CRB1: variants seen among roughly 807,000 people sequenced by gnomAD.
CRB1 encodes crumbs cell polarity complex component 1.
In CRB1, 83 loss-of-function variants were observed where a neutral mutation model predicts 120.0. The ratio of observed to expected loss-of-function variants is 0.69; its 90% CI spans 0.58 to 0.83. CRB1 has a LOEUF of 0.83. Among genes scored for constraint, CRB1 ranks in the 40% least tolerant of loss-of-function variants. The pLI is 0.00. For synonymous variants in CRB1, 625 were observed against 612.5 expected (o/e 1.02, Z -0.30); for missense variants, 1,699 against 1,687.6 (o/e 1.01, Z -0.12).
intron 5 of CRB1, among the ~76,000 whole-genome samples, chr1:197,359,962 T>TG (rs1660688576): frequency 6.6e-6 from 1 of 152,208 alleles, no homozygotes; most frequent in Non-Finnish European, 1.5e-5. Flanking sequence ...TTTTTTTAAC[T>TG]GTTGAGTAAT....
At chr1:197,388,639 T>C (rs1662341019) in intron 5 of CRB1, among the ~76,000 whole-genome samples, 1 of 152,060 alleles carries the variant, frequency 6.6e-6, no homozygotes, top group South Asian at 2.1e-4. Flanking sequence ...GAAGATAAGA[T>C]GGCTATGGAA....
intron 2 of CRB1, among the ~76,000 whole-genome samples, chr1:197,343,881 C>T (rs1659612907): frequency 6.6e-6 from 1 of 152,222 alleles, no homozygotes; most frequent in African/African-American, 2.4e-5. Context: ...CCCGACCCAA[C>T]TGTCTGGCTT....
At chr1:197,229,704 G>A in the CRB1 span, among the ~76,000 whole-genome samples, 133 of 152,028 alleles carry the variant, frequency 8.7e-4, no homozygotes, top group Non-Finnish European at 1.8e-3. Context: ...GAGAACATGG[G>A]GTATTTGGTT....
At chr1:197,213,194 AAT>A in the CRB1 span, among the ~76,000 whole-genome samples, 1 of 152,212 alleles carries the variant, frequency 6.6e-6, no homozygotes, top group Non-Finnish European at 1.5e-5. Context: ...CAGTATAAGT[AAT>A]AGTGTATTAA....
At chr1:197,301,511 C>T (rs1446823427) in intron 1 of CRB1, among the ~76,000 whole-genome samples, 4 of 152,040 alleles carry the variant, frequency 2.6e-5, no homozygotes, top group South Asian at 2.1e-4. Context: ...GTGAACACTC[C>T]GTAGATAGTG....
intron 8 of CRB1, among the ~76,000 whole-genome samples, chr1:197,432,179 T>G (rs1368251440): frequency 1.3e-5 from 2 of 152,144 alleles, no homozygotes; most frequent in East Asian, 3.8e-4. Flanking sequence ...TCAGAAGACA[T>G]GATTTCAGTG....
intron 1 of CRB1, among the ~76,000 whole-genome samples, chr1:197,292,700 A>G (rs994453903): frequency 1.2e-4 from 18 of 152,272 alleles, no homozygotes; most frequent in African/African-American, 4.3e-4. Flanking sequence ...CACATCAAAA[A>G]GCTTATCCAC....
At chr1:197,456,821 A>G (rs1044003209) in intron 11 of CRB1, among the ~76,000 whole-genome samples, 6 of 152,160 alleles carry the variant, frequency 3.9e-5, no homozygotes, top group Non-Finnish European at 8.8e-5. Flanking sequence ...CTGTAAGTCC[A>G]TAATCACATG....
intron 2 of CRB1, among the ~76,000 whole-genome samples, chr1:197,335,919 GCCC>G (rs67835548): frequency 0.33 from 49,504 of 151,732 alleles, 9,965 homozygotes; most frequent in East Asian, 0.77. Context: ...TTCTCTCTCT[GCCC>G]TCTATTGCCC....
the CRB1 span, among the ~76,000 whole-genome samples, chr1:197,262,802 C>T: frequency 1.3e-5 from 2 of 152,126 alleles, no homozygotes; most frequent in African/African-American, 2.4e-5. Context: ...CTTCCTGCAT[C>T]ATTTTGCTTA....
chr1:197,223,571 T>C, the CRB1 span, among the ~76,000 whole-genome samples: 1 of 152,202 alleles, frequency 6.6e-6, no homozygotes, highest in Non-Finnish European at 1.5e-5. Context: ...GTGTTATTTA[T>C]TATGGAAAAA....
the CRB1 span, among the ~76,000 whole-genome samples, chr1:197,211,370 G>A: frequency 6.6e-6 from 1 of 152,136 alleles, no homozygotes; most frequent in African/African-American, 2.4e-5. Flanking sequence ...ACTGTAATAA[G>A]ACATCACAGA....
chr1:197,400,359 T>A (rs140077978), intron 5 of CRB1, among the ~76,000 whole-genome samples: 1,830 of 150,178 alleles, frequency 0.012, 47 homozygotes, highest in African/African-American at 0.043. Flanking sequence ...TCACCCAGGC[T>A]GGAGAGCAGT....
At chr1:197,402,988 T>G (rs936884889) in intron 5 of CRB1, among the ~76,000 whole-genome samples, 3 of 152,254 alleles carry the variant, frequency 2.0e-5, no homozygotes, top group African/African-American at 4.8e-5. Context: ...TTTTCAGTTA[T>G]TGTTTTCATT....
intron 11 of CRB1, among the ~76,000 whole-genome samples, chr1:197,454,108 G>A (rs545109007): frequency 1.8e-4 from 27 of 151,042 alleles, no homozygotes; most frequent in Non-Finnish European, 3.5e-4. Flanking sequence ...TTACAGGCAT[G>A]AGCCACTCTA....
At chr1:197,475,389 C>T (rs183720292) in intron 11 of CRB1, among the ~76,000 whole-genome samples, 5 of 152,262 alleles carry the variant, frequency 3.3e-5, no homozygotes, top group African/African-American at 7.2e-5. Flanking sequence ...TCCTCTCTTC[C>T]CCACTACCCC....
At chr1:197,340,338 C>G (rs1302281839) in intron 2 of CRB1, among the ~76,000 whole-genome samples, 1 of 152,158 alleles carries the variant, frequency 6.6e-6, no homozygotes, top group Non-Finnish European at 1.5e-5. Flanking sequence ...TGTGAGGCCA[C>G]TGCTGTGGGT....
At chr1:197,362,536 G>A (rs1013134462) in intron 5 of CRB1, among the ~76,000 whole-genome samples, 4 of 151,880 alleles carry the variant, frequency 2.6e-5, no homozygotes, top group South Asian at 4.2e-4. Flanking sequence ...TTTTCTTCAC[G>A]TATTTTGAGG....
chr1:197,225,690 G>A, the CRB1 span, among the ~76,000 whole-genome samples: 1 of 152,180 alleles, frequency 6.6e-6, no homozygotes, highest in East Asian at 1.9e-4. Context: ...CATGAAAACA[G>A]CTGGAGCTTA....
Sources: gnomAD v4.1 joint callset for allele counts (sites outside exome capture counted in the v4.1 genomes callset) on GRCh38, gnomAD v4.1.1 for gene constraint, MANE v1.5 for transcripts, NCBI Gene and HGNC (gene_info 2026-07-23, HGNC 2026-07-21) for gene names.